MAK: variants seen among roughly 807,000 people sequenced by gnomAD.
MAK encodes the protein serine/threonine-protein kinase MAK.
A neutral mutation model predicts 82.6 loss-of-function variants in MAK; 65 were observed. The ratio of observed to expected loss-of-function variants is 0.79; its 90% CI spans 0.64 to 0.97. The LOEUF (loss-of-function observed/expected upper bound fraction) is 0.97. Among genes scored for constraint, MAK ranks in the 50% least tolerant of loss-of-function variants. The probability of loss-of-function intolerance (pLI) is 0.00; values close to 1 mark genes in which losing one functional copy is unlikely to be tolerated. For missense variants in MAK, 703 were observed against 780.2 expected (o/e 0.90, Z 1.18); for synonymous variants, 250 against 274.2 (o/e 0.91, Z 0.87).
chr6:10,833,555 A>C (rs1353209701), intron 1 of MAK, among the ~76,000 whole-genome samples: 3 of 152,090 alleles, frequency 2.0e-5, no homozygotes, highest in African/African-American at 7.2e-5. Context: ...CAGTGAGCCA[A>C]GATTGCACCA....
At chr6:10,809,962 G>A (rs1046709538) in intron 5 of MAK, among the ~76,000 whole-genome samples, 1 of 151,956 alleles carries the variant, frequency 6.6e-6, no homozygotes, top group Admixed American at 6.6e-5. Context: ...GCCGGGCATG[G>A]TGGTGTGCGC....
chr6:10,816,944 C>T (rs574183713), intron 4 of MAK, among the ~76,000 whole-genome samples: 3 of 151,868 alleles, frequency 2.0e-5, no homozygotes, highest in African/African-American at 7.3e-5. Context: ...ATATAGAAGG[C>T]CTAGAAGGGA....
At chr6:10,837,156 G>A (rs953137375) in intron 1 of MAK, among the ~76,000 whole-genome samples, 2 of 152,176 alleles carry the variant, frequency 1.3e-5, no homozygotes, top group African/African-American at 4.8e-5. Context: ...ATGTCACTCC[G>A]AGGCTGGCTT....
At chr6:10,771,219 C>CCAAGGAACACCAGCAT (rs915080361) in intron 13 of MAK, among the ~76,000 whole-genome samples, 1 of 152,038 alleles carries the variant, frequency 6.6e-6, no homozygotes, top group Admixed American at 6.6e-5. Flanking sequence ...GAGTAGACCC[C>CCAAGGAACACCAGCAT]CAAGGAACAC....
chr6:10,782,408 G>T (rs1449460510), intron 11 of MAK, among the ~76,000 whole-genome samples: 1 of 152,110 alleles, frequency 6.6e-6, no homozygotes, highest in Admixed American at 6.5e-5. Flanking sequence ...CAGTCCTAAA[G>T]CCTCAATTCA....
rs1248462305 is a variant in MAK at position 10,800,386 on chromosome 6, GA to G, written c.831+1505del. 3.9e-5 allele frequency among the ~76,000 whole-genome samples: 6 copies of G among 152,028 alleles called. No homozygotes were observed. The highest frequency in any genetic ancestry group is 1.4e-4 in the African/African-American group (6 of 41,398). The stretch of plus-strand genomic sequence containing the variant: ...TTCCATTTTAAGATTTTTACATAGA[GA>G]AAAATTTTACTTTTTATGTAATCAA... On this transcript the variant is annotated intron_variant, in intron 8 of 14. Transcript: ENST00000354489. This position sits in a 1 kb window ranked among gnomAD's most constrained non-coding sequence, Gnocchi z 4.2.
At chr6:10,767,499 T>C (rs1177127430) in intron 14 of MAK, among the ~76,000 whole-genome samples, 1 of 152,118 alleles carries the variant, frequency 6.6e-6, no homozygotes, top group African/African-American at 2.4e-5. Flanking sequence ...ACATTGATTT[T>C]CCTTCTCAAA....
intron 12 of MAK, among the ~76,000 whole-genome samples, chr6:10,773,888 A>G (rs1303118589): frequency 6.6e-6 from 1 of 151,780 alleles, no homozygotes; most frequent in Admixed American, 6.6e-5. Flanking sequence ...TTTAGTAGAG[A>G]CAGGGTTTCA....
chr6:10,819,494 T>C (rs1169222209), intron 2 of MAK, among the ~76,000 whole-genome samples: 2 of 151,962 alleles, frequency 1.3e-5, no homozygotes, highest in South Asian at 2.1e-4. Context: ...TAGCTGGGCG[T>C]GGTGGCAGGC....
intron 4 of MAK, among the ~76,000 whole-genome samples, chr6:10,815,433 G>A (rs907848000): frequency 3.3e-5 from 5 of 152,046 alleles, no homozygotes; most frequent in Admixed American, 3.3e-4. Context: ...GACCAGCCTG[G>A]GAAACATGGT....
At chr6:10,810,880 G>C (rs937688781) in intron 5 of MAK, among the ~76,000 whole-genome samples, 1 of 152,150 alleles carries the variant, frequency 6.6e-6, no homozygotes, top group Non-Finnish European at 1.5e-5. Context: ...AAGTCTTAGA[G>C]AACTAAACCA....
intron 10 of MAK, among the ~76,000 whole-genome samples, chr6:10,785,563 C>G (rs1389475440): frequency 6.6e-6 from 1 of 152,238 alleles, no homozygotes; most frequent in African/African-American, 2.4e-5. Context: ...TGCTTGGGGG[C>G]AGTTCTAGGC....
chr6:10,772,329 C>A (rs1407630890), intron 13 of MAK, among the ~76,000 whole-genome samples: 1 of 151,226 alleles, frequency 6.6e-6, no homozygotes, highest in Non-Finnish European at 1.5e-5. Flanking sequence ...ACCCAGTTAA[C>A]CTTTTTTTTT....
At chr6:10,815,912 G>GTACATATA (rs1554184484) in intron 4 of MAK, among the ~76,000 whole-genome samples, 10 of 108,322 alleles carry the variant, frequency 9.2e-5, no homozygotes, top group Non-Finnish European at 1.4e-4. Context: ...GCTTTATACA[G>GTACATATA]TATATATATA....
chr6:10,811,102 A>T (rs150399304), intron 5 of MAK, among the ~76,000 whole-genome samples: 3,060 of 152,236 alleles, frequency 0.02, 83 homozygotes, highest in African/African-American at 0.068. Flanking sequence ...GGGTTCAAGC[A>T]ATTCTCCTGC....
intron 6 of MAK, among the ~76,000 whole-genome samples, chr6:10,806,740 G>A (rs1039539131): frequency 2.6e-5 from 4 of 151,802 alleles, no homozygotes; most frequent in Non-Finnish European, 2.9e-5. Context: ...TGATCCACCC[G>A]TCCTGGCCTC....
intron 2 of MAK, among the ~76,000 whole-genome samples, chr6:10,820,635 G>C (rs957709350): frequency 2.0e-5 from 3 of 152,140 alleles, no homozygotes; most frequent in Admixed American, 6.5e-5. Flanking sequence ...ACATCACTGA[G>C]ATGACCTCAA....
chr6:10,788,769 C>T (rs928580643), intron 10 of MAK, among the ~76,000 whole-genome samples: 6 of 152,056 alleles, frequency 3.9e-5, no homozygotes, highest in Admixed American at 1.3e-4. Flanking sequence ...TGTTTCAAAT[C>T]TCCCATATAC....
Position 10,769,147 on chromosome 6 carries a change from G to C in MAK, c.1792+964C>G, listed in dbSNP as rs149064973. ...GAGGATCACTTGAGCCCAGGAGTTCGAGGCTGCAGTGAACCATGATTGCAT... is the reference window on the plus strand; with the variant it reads ...GAGGATCACTTGAGCCCAGGAGTTCCAGGCTGCAGTGAACCATGATTGCAT... On this transcript the variant is annotated intron_variant, in intron 14 of 14. Coordinates refer to ENST00000354489, the MANE Select transcript of MAK (RefSeq NM_001242957.3). Among the ~76,000 whole-genome samples the C allele has an allele frequency of 5.8e-3, 887 of 152,268 alleles. 9 individuals carry two copies. The highest frequency in any genetic ancestry group is 0.02 in the African/African-American group (843 of 41,540).
Sources: allele counts gnomAD v4.1 joint callset (sites outside exome capture counted in the v4.1 genomes callset), GRCh38; gene constraint gnomAD v4.1.1; non-coding constraint Gnocchi (gnomAD v3.1); transcripts MANE v1.5; gene names NCBI Gene and HGNC (gene_info 2026-07-23, HGNC 2026-07-21).